Variants in DST observed in about 807,000 individuals in gnomAD.
DST encodes bullous pemphigoid antigen.
A neutral mutation model predicts 875.2 loss-of-function variants in DST; 253 were observed. The ratio of observed to expected loss-of-function variants is 0.29; its 90% CI spans 0.26 to 0.32. The LOEUF is 0.32. DST is among the 10% of genes least tolerant of loss of function. The pLI, the probability that DST is intolerant of heterozygous loss-of-function variation, is 1.00. For synonymous variants in DST, 3,124 were observed against 3,197.1 expected (o/e 0.98, Z 0.77); for missense variants, 8,287 against 9,111.6 (o/e 0.91, Z 3.68).
chr6:56,750,923 T>G (rs1366413586), intron 4 of DST, among the ~76,000 whole-genome samples: 1 of 152,122 alleles, frequency 6.6e-6, no homozygotes, highest in African/African-American at 2.4e-5. Context: ...ACTGACTATA[T>G]GCCAGGCCCT....
At chr6:56,459,396 G>T in intron 103 of DST, 129 bp from the exon 104 acceptor site, 1 of 914,084 alleles carries the variant, frequency 1.1e-6, no homozygotes, top group Non-Finnish European at 1.6e-6. Context: ...GAAAACAGTT[G>T]TGGATTCACA....
chr6:56,565,361 C>T (rs577965409), intron 55 of DST, among the ~76,000 whole-genome samples: 16 of 152,104 alleles, frequency 1.1e-4, no homozygotes, highest in East Asian at 7.7e-4. Context: ...TCTTGTGATC[C>T]GCTCGCCTTG....
rs371885526 is a variant in DST at position 56,628,130 on chromosome 6, G to C, written c.4507C>G (p.Leu1503Val). The change falls in exon 33 of 104, where the codon CTG becomes GTG. Residue 1503 changes from leucine (L) to valine (V), a missense_variant. This residue lies in a region of DST where 3,138 missense variants were observed against 3,116.6 expected (regional missense o/e 1.01). Transcript: ENST00000680361. ...TGGTAAGTGTCTCTGTAGTACTTCAGTGATTTGCCAATGCCCTCTAAGTCC... is the reference window on the plus strand; with the variant it reads ...TGGTAAGTGTCTCTGTAGTACTTCACTGATTTGCCAATGCCCTCTAAGTCC... ...LRDLEGIGKS[L>V]KYYRDTYHPL... The C allele has an allele frequency of 6.2e-7, 1 of 1,613,846 alleles. No individual in the cohort carries two copies. The highest frequency in any genetic ancestry group is 2.2e-5 in the East Asian group (1 of 44,880).
intron 91 of DST, 23 bp downstream of exon 91, chr6:56,477,322 A>C: frequency 1.2e-6 from 2 of 1,608,142 alleles, no homozygotes; most frequent in South Asian, 1.1e-5. Context: ...TGCTACTCTG[A>C]AGATTATCTG....
chr6:56,705,190 A>G (rs2152884185), intron 5 of DST, among the ~76,000 whole-genome samples: 1 of 152,340 alleles, frequency 6.6e-6, no homozygotes, highest in South Asian at 2.1e-4. Context: ...GCAGGTATTA[A>G]GATGGCTGTT....
In DST at chr6:56,604,406, C is replaced by T. The variant is rs764629495; in HGVS notation, c.10222G>A (p.Asp3408Asn). 15 of 1,610,380 alleles carry T rather than the reference C, an allele frequency of 9.3e-6. No individual in the cohort carries two copies. In the African/African-American group the frequency reaches 1.2e-4, roughly 13 times the overall value. The change falls in exon 40 of 104, where the codon GAC (aspartate) becomes AAC (asparagine). Residue 3408 changes from aspartate (D) to asparagine (N), a missense_variant. Physicochemically the swap from Asp to Asn is conservative, Grantham distance 23 (BLOSUM62 1). Around this residue, in one of 10 missense-constraint regions of DST, gnomAD observed 3,138 missense variants for 3,116.6 expected, o/e 1.01. Coordinates refer to ENST00000680361, the MANE Select transcript of DST (RefSeq NM_001374736.1). ...CCAGAAGAGTCACTCATTTGAGAGT[C>T]GCTGGGCACAGTAGATGCCTCATTT... ...LVNEASTVPS[D>N]SQMSDSSGVS... is the part of the protein sequence containing the mutation.
In DST at chr6:56,604,483, G is replaced by C. The variant is rs374031038; in HGVS notation, c.10145C>G (p.Thr3382Ser). ...AATTAAATTTTGAATTAAAATTTTA[G>C]TGTCTGCACAGGCTGAAGGTTCTTC... is the stretch of plus-strand genomic sequence containing the variant. ...EVEEPSACAD[T>S]KILIQNLIKR... is the part of the protein sequence containing the mutation. The change falls in exon 40 of 104, where the codon ACT (threonine) becomes AGT (serine). Residue 3382 changes from threonine to serine, a missense_variant. Physicochemically the swap from Thr to Ser is moderately conservative, Grantham distance 58. Around this residue, in one of 10 missense-constraint regions of DST, gnomAD observed 3,138 missense variants for 3,116.6 expected, o/e 1.01. Transcript: ENST00000680361. 11 of 1,612,012 alleles carry C rather than the reference G, an allele frequency of 6.8e-6. No homozygotes were observed. In the African/African-American group the frequency reaches 1.5e-4, roughly 22 times the overall value.
intron 48 of DST, 56 bp from the exon 49 acceptor site, chr6:56,592,414 A>T: frequency 7.4e-7 from 1 of 1,348,848 alleles, no homozygotes; most frequent in Non-Finnish European, 1.0e-6. Context: ...TTTCATATGC[A>T]TCAAATAATC....
At position 56,608,922 on chromosome 6, in the gene DST, A is replaced by T; in HGVS notation, c.5706T>A (p.Val1902=). ...GAACTTTAGAAAATAATGCTGAGGAAACCAAGTTCTGTTGGAAAGCCTTCT... is the reference window on the plus strand; with the variant it reads ...GAACTTTAGAAAATAATGCTGAGGATACCAAGTTCTGTTGGAAAGCCTTCT... The part of the protein sequence containing the change: ...TLQKAFQQNL[V]SSALFSKVLE... The change falls in exon 40 of 104, where the codon GTT becomes GTA. Residue 1902 remains valine (V), a synonymous_variant. Coordinates refer to ENST00000680361, the MANE Select transcript of DST (RefSeq NM_001374736.1). 6.2e-7 allele frequency: 1 copy of T among 1,613,800 alleles called. No individual in the cohort carries two copies.
rs138507484 is a variant in DST at position 56,654,586 on chromosome 6, C to CTATATATATATA, written c.1215-3354_1215-3343dup. Among the ~76,000 whole-genome samples the CTATATATATATA allele has an allele frequency of 2.9e-4, 39 of 133,322 alleles. 1 individual carries two copies. Among genetic ancestry groups the CTATATATATATA allele is most frequent in the African/African-American group, 1.3e-3 (37 of 29,038 alleles). 87.5% of individuals were successfully genotyped at this position (133,322 alleles called of 152,430 possible). A position where few individuals can be genotyped will look rare whatever the true frequency, so the allele number is the denominator to read the frequency against. ...TCTTAAAAGAGCAATCTCCCCTAGG[C>CTATATATATATA]TATATATATATATATATATCTCCAC... On this transcript the variant is annotated intron_variant, in intron 10 of 103. Coordinates refer to ENST00000680361, the MANE Select transcript of DST (RefSeq NM_001374736.1).
At chr6:56,591,650 C>A (rs1411725308) in intron 49 of DST, among the ~76,000 whole-genome samples, 1 of 152,076 alleles carries the variant, frequency 6.6e-6, no homozygotes, top group Admixed American at 6.6e-5. Context: ...ACGTCACAAG[C>A]CATAACAGCA....
chr6:56,557,271 T>C (rs762542242), intron 59 of DST, 48 bp downstream of exon 59: 11 of 1,541,100 alleles, frequency 7.1e-6, no homozygotes, highest in Non-Finnish European at 9.7e-6. Context: ...TTGGTCTCAG[T>C]AAGTCAAATT....
Position 56,953,766 on chromosome 6 carries a change from T to C in DST, c.216+19A>G. ...AGAGAACTTCTTCTGACCTTGAGCG[T>C]GCGCGCTAAATAAATTACCTCAGAA... On this transcript the variant is annotated intron_variant, in intron 2 of 103. Coordinates refer to ENST00000680361, the MANE Select transcript of DST (RefSeq NM_001374736.1). 1 of 1,311,784 alleles carries C rather than the reference T, an allele frequency of 7.6e-7. No homozygotes were observed. The highest frequency in any genetic ancestry group is 1.0e-6 in the Non-Finnish European group (1 of 992,048). The allele number at this position is 1,311,784 out of a possible 1,614,324, so 81.3% of individuals were successfully genotyped here.
chr6:56,535,469 A>T (rs1010989780), intron 62 of DST, among the ~76,000 whole-genome samples, 177 bp from the exon 63 acceptor site: 1 of 152,194 alleles, frequency 6.6e-6, no homozygotes, highest in Non-Finnish European at 1.5e-5. Flanking sequence ...AAAGGAGACA[A>T]ACTTTAAGCA....
At chr6:56,669,430 T>C (rs2099088468) in intron 10 of DST, among the ~76,000 whole-genome samples, 1 of 151,768 alleles carries the variant, frequency 6.6e-6, no homozygotes, top group Admixed American at 6.6e-5. Context: ...ACCCCATCTC[T>C]ACTAAAAATA....
At chr6:56,791,374 T>C (rs2153006054) in intron 4 of DST, among the ~76,000 whole-genome samples, 1 of 152,318 alleles carries the variant, frequency 6.6e-6, no homozygotes, top group South Asian at 2.1e-4. Flanking sequence ...AGTAATGTTG[T>C]GAACCAGAGT....
chr6:56,492,465 C>A (rs1190582088), intron 84 of DST, 32 bp from the exon 85 acceptor site: 3 of 1,582,502 alleles, frequency 1.9e-6, no homozygotes, highest in Non-Finnish European at 2.6e-6. Flanking sequence ...TAAGTAGAAA[C>A]AAATGAAAAT....
intron 3 of DST, among the ~76,000 whole-genome samples, chr6:56,866,119 G>A (rs1032689897): frequency 2.0e-5 from 3 of 151,846 alleles, no homozygotes; most frequent in Non-Finnish European, 2.9e-5. Flanking sequence ...TCAGCCTCCC[G>A]AGTAGCTGGG....
At chr6:56,650,844 C>T (rs2098971729) in intron 12 of DST, 82 bp downstream of exon 12, 1 of 830,980 alleles carries the variant, frequency 1.2e-6, no homozygotes, top group Non-Finnish European at 1.9e-6. Context: ...CATTCAAAAA[C>T]TGCAAAAATC....
Sources: gnomAD v4.1 joint callset for allele counts (sites outside exome capture counted in the v4.1 genomes callset) on GRCh38, gnomAD v4.1.1 for gene constraint, gnomAD v4.1.1 regional missense constraint, MANE v1.5 for transcripts, NCBI Gene and HGNC (gene_info 2026-07-23, HGNC 2026-07-21) for gene names.